The following IRF6 variants were observed in gnomAD, a reference collection of about 807,000 sequenced individuals.
IRF6 encodes interferon regulatory factor 6.
A neutral mutation model predicts 51.4 loss-of-function variants in IRF6; 6 were observed. The ratio of observed to expected loss-of-function variants is 0.12; its 90% CI spans 0.06 to 0.23. The LOEUF (loss-of-function observed/expected upper bound fraction) is 0.23, where lower values mean the gene tolerates loss of function less well. Ranked by LOEUF, IRF6 falls within the 10% of genes least tolerant of loss-of-function variation. The pLI, the probability that IRF6 is intolerant of heterozygous loss-of-function variation, is 1.00. For synonymous variants in IRF6, 178 were observed against 215.7 expected, an observed-to-expected ratio of 0.83 and a Z score of 1.53; for missense variants, 348 against 585.2, an observed-to-expected ratio of 0.59 and a Z score of 4.18.
intron 8 of IRF6, among the ~76,000 whole-genome samples, chr1:209,789,019 G>C (rs745763762): frequency 6.6e-6 from 1 of 152,188 alleles, no homozygotes; most frequent in Non-Finnish European, 1.5e-5. Context: ...TAACTCAAAA[G>C]GTTTTTCTAA....
chr1:209,789,351 T>TTGTGTGTGTG (rs57430923), intron 8 of IRF6, among the ~76,000 whole-genome samples: 213 of 147,038 alleles, frequency 1.4e-3, no homozygotes, highest in Middle Eastern at 3.5e-3. Context: ...GCAATTTACA[T>TTGTGTGTGTG]TGTGTGTGTG....
At chr1:209,795,997 G>A (rs1369413276) in intron 4 of IRF6, among the ~76,000 whole-genome samples, 3 of 152,148 alleles carry the variant, frequency 2.0e-5, no homozygotes, top group Admixed American at 6.5e-5. Context: ...CCCACAAGTA[G>A]TAAAGTGATA....
intron 5 of IRF6, among the ~76,000 whole-genome samples, chr1:209,794,942 A>T (rs2077891677): frequency 6.6e-6 from 1 of 152,260 alleles, no homozygotes. Flanking sequence ...GTTTGCCCGT[A>T]ACTCGAAAAA....
At position 209,796,840 on chromosome 1, in the gene IRF6, A is replaced by G. The variant is rs916446964; in HGVS notation, c.175-288T>C. Among the ~76,000 whole-genome samples, 2 of 152,206 alleles carry G rather than the reference A, an allele frequency of 1.3e-5. No individual in the cohort carries two copies. Among genetic ancestry groups the G allele is most frequent in the African/African-American group, 4.8e-5 (2 of 41,448 alleles). On this transcript the variant is annotated intron_variant, in intron 3 of 8. Transcript: ENST00000367021. This position sits in a 1 kb window ranked among gnomAD's most constrained non-coding sequence, Gnocchi z 4.5. ...CCTTATCTCAAGCACTGGTACCGGC[A>G]CTCATCAAGACGACAATGCTCTAAT...
rs2077941139 is a variant in IRF6, at chr1:209,801,420, G to C, written c.-3-4C>G. 5.7e-6 allele frequency: 9 copies of C among 1,577,516 alleles called. No homozygotes were observed. Among genetic ancestry groups the C allele is most frequent in the African/African-American group, 1.4e-5 (1 of 73,308 alleles). On this transcript the variant is annotated splice_region_variant and splice_polypyrimidine_tract_variant and intron_variant, in intron 2 of 8. Transcript: ENST00000367021. ...TGCGGGGGTGGAGGGCCATGATCTG[G>C]GGGGGTCAGAGGGAGAAATGGGAAG...
Position 209,796,682 on chromosome 1 carries a change from T to G in IRF6, c.175-130A>C. 1 of 610,708 alleles carries G rather than the reference T, an allele frequency of 1.6e-6. No individual in the cohort carries two copies. The highest frequency in any genetic ancestry group is 2.8e-6 in the Non-Finnish European group (1 of 351,746). The allele number at this position is 610,708 out of a possible 1,614,324, so 37.8% of individuals were successfully genotyped here. A position where few individuals can be genotyped will look rare whatever the true frequency, so the allele number is the denominator to read the frequency against. ...ACACACACACACACACACACAACTTTTGCATGACTGCCCCATCATCCCAAC... is the reference window on the plus strand; with the variant it reads ...ACACACACACACACACACACAACTTGTGCATGACTGCCCCATCATCCCAAC... On this transcript the variant is annotated intron_variant, in intron 3 of 8. Coordinates refer to ENST00000367021, the MANE Select transcript of IRF6 (RefSeq NM_006147.4). The surrounding 1 kb of genome is among the most constrained non-coding windows in gnomAD (Gnocchi z 4.5).
intron 5 of IRF6, chr1:209,793,069 T>C (rs1249258015): frequency 2.7e-5 from 4 of 150,528 alleles, no homozygotes; most frequent in Admixed American, 2.0e-4. Context: ...GAAAAAAGAG[T>C]ATTTCCCTGC....
intron 4 of IRF6, among the ~76,000 whole-genome samples, 176 bp from the exon 5 acceptor site, chr1:209,795,594 G>C (rs971420723): frequency 6.6e-6 from 1 of 152,182 alleles, no homozygotes; most frequent in East Asian, 1.9e-4. Context: ...TTCTCTCATG[G>C]AAGGACCTCC....
intron 3 of IRF6, 109 bp downstream of exon 3, chr1:209,801,131 T>TAA: frequency 1.0e-6 from 1 of 983,224 alleles, no homozygotes. Context: ...ACCCCCATCA[T>TAA]AAGCATTCTC....
chr1:209,797,492 C>T (rs2077910491), intron 3 of IRF6, among the ~76,000 whole-genome samples: 1 of 151,556 alleles, frequency 6.6e-6, no homozygotes, highest in Non-Finnish European at 1.5e-5. Context: ...AAAAAATCCA[C>T]ACCCCTTACC....
At position 209,792,334 on chromosome 1, in the gene IRF6, T is replaced by C; in HGVS notation, c.602A>G (p.Glu201Gly). ...GGGCTGTATAGGTGCCTGGGGTACT[T>C]CCATCTCCAGGGGTTCAGTTTTGGG... ...VWPKTEPLEM[E>G]VPQAPIQPFY... Residue 201 changes from glutamate to glycine, a missense_variant, in exon 6 of 9, where the codon GAA (glutamate) becomes GGA (glycine). By Grantham distance (98) the Glu-to-Gly change is moderately conservative. Coordinates refer to ENST00000367021, the MANE Select transcript of IRF6 (RefSeq NM_006147.4). 6.2e-7 allele frequency: 1 copy of C among 1,614,078 alleles called. No individual in the cohort carries two copies. The highest frequency in any genetic ancestry group is 8.5e-7 in the Non-Finnish European group (1 of 1,179,920).
intron 8 of IRF6, among the ~76,000 whole-genome samples, chr1:209,788,871 A>G (rs920769331): frequency 1.3e-5 from 2 of 152,240 alleles, no homozygotes; most frequent in African/African-American, 4.8e-5. Context: ...ATTACATCAC[A>G]GGCCTAAATA....
Position 209,790,751 on chromosome 1 carries a change from G to A in IRF6, c.804C>T (p.Pro268=), listed in dbSNP as rs770627788. 26 of 1,614,032 alleles carry A rather than the reference G, an allele frequency of 1.6e-5. No individual in the cohort carries two copies. The East Asian group carries it at 2.5e-4, about 15-fold the overall frequency. The change falls in exon 7 of 9, where the codon CCC becomes CCT. Residue 268 remains proline (P), a synonymous_variant. Coordinates refer to ENST00000367021, the MANE Select transcript of IRF6 (RefSeq NM_006147.4). This position sits in a 1 kb window ranked among gnomAD's most constrained non-coding sequence, Gnocchi z 4.8. ...PMPDQEELFG[P]VSLEQVKFPG... ...GGAATTTGACCTGCTCCAGGCTGAC[G>A]GGACCAAAGAGCTCCTCCTGGTCAG... is the stretch of plus-strand genomic sequence containing the variant.
intron 8 of IRF6, among the ~76,000 whole-genome samples, chr1:209,789,335 A>C (rs1276246449): frequency 7.0e-6 from 1 of 143,538 alleles, no homozygotes; most frequent in African/African-American, 2.6e-5. Flanking sequence ...AAAAAAAAAA[A>C]AAAGTGCAAT....
Position 209,796,277 on chromosome 1 carries a change from G to A in IRF6, c.379+71C>T. On this transcript the variant is annotated intron_variant, in intron 4 of 8. Transcript: ENST00000367021. The surrounding 1 kb of genome is among the most constrained non-coding windows in gnomAD (Gnocchi z 4.5). The stretch of plus-strand genomic sequence containing the variant: ...GTGTAAATCAGGCTGTTTTCAAGTT[G>A]ACTATCTCTTAAGAGTGCAGCCCAG... The A allele has an allele frequency of 7.7e-7, 1 of 1,293,094 alleles. No homozygotes were observed. The highest frequency in any genetic ancestry group is 1.1e-6 in the Non-Finnish European group (1 of 894,456). 80.1% of individuals were successfully genotyped at this position (1,293,094 alleles called of 1,614,324 possible).
At chr1:209,794,961 G>A (rs141254781) in intron 5 of IRF6, among the ~76,000 whole-genome samples, 49 of 152,324 alleles carry the variant, frequency 3.2e-4, no homozygotes, top group Non-Finnish European at 6.0e-4. Flanking sequence ...AAATGACACT[G>A]TACTTGGCCT....
chr1:209,790,111 T>C lies in IRF6; in HGVS notation c.1061-326A>G, dbSNP rs979080318. On this transcript the variant is annotated intron_variant, in intron 7 of 8. Transcript: ENST00000367021. This position sits in a 1 kb window ranked among gnomAD's most constrained non-coding sequence, Gnocchi z 4.8. ...GGTGCTTTCCCTAAAACTGCCTGCT[T>C]GAATTCACCACTCAGATAATTCCCA... Among the ~76,000 whole-genome samples the C allele has an allele frequency of 6.6e-6, 1 of 152,248 alleles. No individual in the cohort carries two copies. The highest frequency in any genetic ancestry group is 1.5e-5 in the Non-Finnish European group (1 of 68,040).
intron 1 of IRF6, among the ~76,000 whole-genome samples, chr1:209,804,354 T>A (rs1192514695): frequency 6.6e-6 from 1 of 152,148 alleles, no homozygotes; most frequent in Non-Finnish European, 1.5e-5. Flanking sequence ...CTGCACCTTG[T>A]CTTCCATGTC....
chr1:209,796,987 C>T lies in IRF6; in HGVS notation c.175-435G>A, dbSNP rs761983637. On this transcript the variant is annotated intron_variant, in intron 3 of 8. Coordinates refer to ENST00000367021, the MANE Select transcript of IRF6 (RefSeq NM_006147.4). The surrounding 1 kb of genome is among the most constrained non-coding windows in gnomAD (Gnocchi z 4.5). The stretch of plus-strand genomic sequence containing the variant: ...TCATTTTTGACATGAGTTGCTTATA[C>T]GACAATAGGTAAGACAAAGAGGGAT... Among the ~76,000 whole-genome samples the T allele has an allele frequency of 2.6e-5, 4 of 152,082 alleles. No individual in the cohort carries two copies. Among genetic ancestry groups the T allele is most frequent in the Non-Finnish European group, 4.4e-5 (3 of 68,018 alleles).
Sources: gnomAD v4.1 joint callset for allele counts (sites outside exome capture counted in the v4.1 genomes callset) on GRCh38, gnomAD v4.1.1 for gene constraint, Gnocchi (gnomAD v3.1) non-coding constraint, MANE v1.5 for transcripts, NCBI Gene and HGNC (gene_info 2026-07-23, HGNC 2026-07-21) for gene names.